The following TASP1 variants were observed in gnomAD, a reference collection of about 807,000 sequenced individuals.
TASP1 encodes the protein taspase 1.
Under a neutral mutation model 56.6 loss-of-function variants are expected in TASP1, and 16 were observed. The observed-to-expected ratio is 0.28, with a 90% CI of 0.19 to 0.43. TASP1 has a LOEUF of 0.43. TASP1 is among the 20% of genes least tolerant of loss of function. TASP1 has a pLI of 1.00. For synonymous variants in TASP1, 179 were observed against 184.2 expected, an observed-to-expected ratio of 0.97 and a Z score of 0.23; for missense variants, 393 against 511.6, an observed-to-expected ratio of 0.77 and a Z score of 2.24.
Position 13,540,332 on chromosome 20 carries a change from A to G in TASP1, c.676-6191T>C, listed in dbSNP as rs2045575037. Among the ~76,000 whole-genome samples the G allele has an allele frequency of 2.0e-5, 3 of 152,194 alleles. No homozygotes were observed. In the South Asian group the frequency reaches 6.2e-4, roughly 32 times the overall value. On this transcript the variant is annotated intron_variant, in intron 8 of 13. Transcript: ENST00000337743. ...TCACAATTTTATAATTCTAAATCAA[A>G]ATTTATAAGTTCTACATTAAATATA...
chr20:13,283,396 T>G, the TASP1 span, among the ~76,000 whole-genome samples: 2 of 152,166 alleles, frequency 1.3e-5, no homozygotes, highest in Non-Finnish European at 2.9e-5. Context: ...GGAGCTAGCC[T>G]TTGTGGAGGA....
At chr20:13,209,686 A>C in the TASP1 span, among the ~76,000 whole-genome samples, 1 of 152,218 alleles carries the variant, frequency 6.6e-6, no homozygotes, top group South Asian at 2.1e-4. Flanking sequence ...ATCTAAAAAA[A>C]ATCTGCCATT....
chr20:13,610,997 C>T (rs571799509), intron 4 of TASP1, among the ~76,000 whole-genome samples: 1 of 152,220 alleles, frequency 6.6e-6, no homozygotes, highest in South Asian at 2.1e-4. Context: ...GCTAACCACT[C>T]TGGGGCTAGG....
At chr20:13,610,745 A>T (rs773946767) in intron 4 of TASP1, among the ~76,000 whole-genome samples, 2 of 152,048 alleles carry the variant, frequency 1.3e-5, no homozygotes, top group Non-Finnish European at 2.9e-5. Flanking sequence ...ATCCCCAAAG[A>T]TTCTGGTCCA....
At chr20:13,438,636 A>G (rs2043101591) in intron 11 of TASP1, among the ~76,000 whole-genome samples, 1 of 152,252 alleles carries the variant, frequency 6.6e-6, no homozygotes, top group African/African-American at 2.4e-5. Context: ...AATGGCAACA[A>G]AAGCCAAAAT....
downstream of TASP1, among the ~76,000 whole-genome samples, chr20:13,385,582 T>C (rs2123535702): frequency 6.6e-6 from 1 of 152,042 alleles, no homozygotes; most frequent in South Asian, 2.1e-4. Context: ...ACATGTGGAG[T>C]GGAATGTGTT....
At chr20:13,392,216 C>T (rs2041315280) in intron 13 of TASP1, among the ~76,000 whole-genome samples, 1 of 152,040 alleles carries the variant, frequency 6.6e-6, no homozygotes, top group Non-Finnish European at 1.5e-5. Context: ...GGAAATAACA[C>T]ATTAAAATGA....
the TASP1 span, among the ~76,000 whole-genome samples, chr20:13,244,738 T>G: frequency 6.6e-6 from 1 of 152,192 alleles, no homozygotes; most frequent in Non-Finnish European, 1.5e-5. Context: ...CCCCTTTTCA[T>G]TCCCCTAGAA....
chr20:13,568,783 A>T (rs111920064), intron 7 of TASP1, among the ~76,000 whole-genome samples: 1 of 152,178 alleles, frequency 6.6e-6, no homozygotes, highest in Non-Finnish European at 1.5e-5. Context: ...TGTACTACTT[A>T]GTTGTCCTCT....
At chr20:13,564,656 T>C (rs902433388) in intron 7 of TASP1, among the ~76,000 whole-genome samples, 2 of 151,924 alleles carry the variant, frequency 1.3e-5, no homozygotes, top group African/African-American at 4.8e-5. Flanking sequence ...AAAAAAAAAG[T>C]TGGAAGTCTC....
the TASP1 span, among the ~76,000 whole-genome samples, chr20:13,341,649 A>G: frequency 6.6e-6 from 1 of 152,220 alleles, no homozygotes; most frequent in Non-Finnish European, 1.5e-5. Flanking sequence ...CTTATCTTGC[A>G]TGATCCTCAG....
chr20:13,104,791 T>C, the TASP1 span, among the ~76,000 whole-genome samples: 1 of 152,196 alleles, frequency 6.6e-6, no homozygotes, highest in Non-Finnish European at 1.5e-5. Flanking sequence ...AATTATACTT[T>C]TATTTTAATT....
At chr20:13,400,706 A>G (rs1190537163) in intron 13 of TASP1, among the ~76,000 whole-genome samples, 1 of 152,226 alleles carries the variant, frequency 6.6e-6, no homozygotes, top group East Asian at 1.9e-4. Context: ...TGCATCCAGA[A>G]GTATTTGAAA....
intron 8 of TASP1, among the ~76,000 whole-genome samples, chr20:13,547,653 G>A (rs1243531453): frequency 1.3e-5 from 2 of 152,170 alleles, no homozygotes; most frequent in African/African-American, 2.4e-5. Context: ...TTAGGGAAAT[G>A]TATCTTCTGA....
At chr20:13,326,350 T>A in the TASP1 span, among the ~76,000 whole-genome samples, 2 of 152,274 alleles carry the variant, frequency 1.3e-5, no homozygotes, top group South Asian at 2.1e-4. Flanking sequence ...GACCGTTGGG[T>A]CATGTAGTAT....
intron 11 of TASP1, among the ~76,000 whole-genome samples, chr20:13,447,886 T>C (rs576405997): frequency 2.4e-4 from 36 of 152,152 alleles, no homozygotes; most frequent in Non-Finnish European, 5.0e-4. Context: ...CCCTTGGCTA[T>C]TATGTGTTGC....
chr20:13,142,349 G>A, the TASP1 span, among the ~76,000 whole-genome samples: 1 of 152,204 alleles, frequency 6.6e-6, no homozygotes, highest in Non-Finnish European at 1.5e-5. Context: ...TGAGATGGGG[G>A]AGTGGTGATG....
At chr20:13,366,001 T>G in the TASP1 span, among the ~76,000 whole-genome samples, 1 of 152,072 alleles carries the variant, frequency 6.6e-6, no homozygotes, top group African/African-American at 2.4e-5. Flanking sequence ...AAAGACGGGA[T>G]TCAAAGACAA....
At chr20:13,616,454 C>G (rs1184164470) in intron 4 of TASP1, among the ~76,000 whole-genome samples, 3 of 152,000 alleles carry the variant, frequency 2.0e-5, no homozygotes, top group Non-Finnish European at 4.4e-5. Flanking sequence ...CTGATGAGAT[C>G]CACATACCTC....
Sources: allele counts gnomAD v4.1 joint callset (sites outside exome capture counted in the v4.1 genomes callset), GRCh38; gene constraint gnomAD v4.1.1; transcripts MANE v1.5; gene names NCBI Gene and HGNC (gene_info 2026-07-23, HGNC 2026-07-21).